HSF5: variants seen among roughly 807,000 people sequenced by gnomAD.
HSF5 encodes heat shock transcription factor 5.
Under a neutral mutation model 50.8 loss-of-function variants are expected in HSF5, and 5 were observed. The observed-to-expected ratio is 0.10, with a 90% CI of 0.05 to 0.21. The LOEUF is 0.21. Among genes scored for constraint, HSF5 ranks in the 10% least tolerant of loss-of-function variants. The pLI is 1.00. For missense variants in HSF5, 564 were observed against 762.6 expected (o/e 0.74, Z 3.07); for synonymous variants, 307 against 307.4 (o/e 1.00, Z 0.02).
chr17:58,452,082 CA>C (rs199976850), intron 5 of HSF5, among the ~76,000 whole-genome samples: 3 of 150,194 alleles, frequency 2.0e-5, no homozygotes, highest in South Asian at 2.1e-4. Flanking sequence ...CCTGTCTCTA[CA>C]AAAAAAAATT....
At chr17:58,429,383 T>G (rs774374989) in intron 5 of HSF5, among the ~76,000 whole-genome samples, 2 of 152,140 alleles carry the variant, frequency 1.3e-5, no homozygotes, top group Non-Finnish European at 2.9e-5. Context: ...CACTTTAAAA[T>G]GTTTAACTTA....
chr17:58,487,545 C>G (rs893091901), intron 1 of HSF5, among the ~76,000 whole-genome samples, 180 bp downstream of exon 1: 2 of 152,222 alleles, frequency 1.3e-5, no homozygotes, highest in African/African-American at 4.8e-5. Flanking sequence ...GTGCTGGTGC[C>G]GCTGAGAACG....
intron 5 of HSF5, 43 bp downstream of exon 5, chr17:58,458,725 G>C (rs1374590730): frequency 6.7e-7 from 1 of 1,500,804 alleles, no homozygotes; most frequent in African/African-American, 1.4e-5. Context: ...TAATTCTACA[G>C]CGTGATTCTA....
chr17:58,482,798 G>T (rs942756781), intron 1 of HSF5, among the ~76,000 whole-genome samples: 5 of 143,574 alleles, frequency 3.5e-5, no homozygotes, highest in African/African-American at 5.2e-5. Flanking sequence ...AAAACAATCA[G>T]CCAGGTATGG....
At chr17:58,468,263 C>T (rs767540437) in intron 2 of HSF5, among the ~76,000 whole-genome samples, 6 of 152,014 alleles carry the variant, frequency 3.9e-5, no homozygotes, top group Non-Finnish European at 1.5e-5. Flanking sequence ...CCAGGCTTGG[C>T]GGCACATGTT....
chr17:58,457,782 G>A (rs2143773310), intron 5 of HSF5, among the ~76,000 whole-genome samples: 2 of 152,280 alleles, frequency 1.3e-5, no homozygotes, highest in Non-Finnish European at 2.9e-5. Flanking sequence ...CAAGGCTCAT[G>A]CCATTGTGTT....
intron 1 of HSF5, among the ~76,000 whole-genome samples, chr17:58,484,321 A>G (rs1975139527): frequency 6.6e-6 from 1 of 152,214 alleles, no homozygotes; most frequent in African/African-American, 2.4e-5. Context: ...ACAAACAGTA[A>G]TCTTTAAATG....
intron 5 of HSF5, among the ~76,000 whole-genome samples, chr17:58,457,768 C>T (rs1014040917): frequency 4.6e-5 from 7 of 152,122 alleles, no homozygotes; most frequent in African/African-American, 1.7e-4. Flanking sequence ...ATCTAAATTG[C>T]CTTCAAGGCT....
intron 2 of HSF5, 31 bp from the exon 3 acceptor site, chr17:58,467,010 C>T (rs371216685): frequency 3.6e-6 from 5 of 1,394,370 alleles, no homozygotes; most frequent in Non-Finnish European, 5.1e-6. Flanking sequence ...GAAAAGCCAT[C>T]AACCACAATA....
At chr17:58,461,916 A>G (rs983001345) in intron 4 of HSF5, among the ~76,000 whole-genome samples, 19 of 152,148 alleles carry the variant, frequency 1.2e-4, no homozygotes, top group Admixed American at 1.2e-3. Flanking sequence ...GTATTATTTT[A>G]AGAGGCACAG....
chr17:58,479,295 G>T (rs1004342718), intron 2 of HSF5, among the ~76,000 whole-genome samples: 1 of 151,846 alleles, frequency 6.6e-6, no homozygotes, highest in East Asian at 1.9e-4. Context: ...AGGTTCTGGG[G>T]TACTAAGGTT....
chr17:58,482,606 A>G (rs1182245514), intron 1 of HSF5, among the ~76,000 whole-genome samples: 4 of 145,872 alleles, frequency 2.7e-5, no homozygotes. Flanking sequence ...GCTACTCAGG[A>G]GGCTGAGGAA....
intron 5 of HSF5, among the ~76,000 whole-genome samples, chr17:58,447,174 A>T (rs1004361904): frequency 6.6e-6 from 1 of 152,158 alleles, no homozygotes; most frequent in Non-Finnish European, 1.5e-5. Context: ...GGAACCTAGT[A>T]CCAGCCCCAC....
Position 58,488,084 on chromosome 17 carries a change from C to T in HSF5, c.191G>A (p.Gly64Glu), listed in dbSNP as rs746134709. The T allele has an allele frequency of 1.3e-6, 2 of 1,576,136 alleles. No homozygotes were observed. The highest frequency in any genetic ancestry group is 1.4e-5 in the African/African-American group (1 of 72,188). Reference sequence around the variant, plus strand: ...GAAGAGCTCGGGCTCGGCCCCGGCCCCCGCAGTCCCGCCACCGCCCCCCGG... The same window carrying T: ...GAAGAGCTCGGGCTCGGCCCCGGCCTCCGCAGTCCCGCCACCGCCCCCCGG... Reference protein sequence around the residue: ...PGPGGGGGTAGAGAEPELFKT... With the variant: ...PGPGGGGGTAEAGAEPELFKT... The change falls in exon 1 of 6, where the codon GGG becomes GAG. Residue 64 changes from glycine (G) to glutamate (E), a missense_variant. Physicochemically the swap from Gly to Glu is moderately conservative, Grantham distance 98 (BLOSUM62 -2). Around this residue, in one of 5 missense-constraint regions of HSF5, gnomAD observed 72 missense variants for 110.9 expected, o/e 0.65. Coordinates refer to ENST00000323777, the MANE Select transcript of HSF5 (RefSeq NM_001080439.3). This position sits in a 1 kb window ranked among gnomAD's most constrained non-coding sequence, Gnocchi z 4.1.
At chr17:58,451,288 CAG>C (rs1162245737) in intron 5 of HSF5, among the ~76,000 whole-genome samples, 4 of 152,118 alleles carry the variant, frequency 2.6e-5, no homozygotes, top group African/African-American at 9.7e-5. Context: ...ATCATCCAGA[CAG>C]AAATCAACAA....
At chr17:58,476,968 CG>C in intron 2 of HSF5, 4 of 626,534 alleles carry the variant, frequency 6.4e-6, no homozygotes, top group Non-Finnish European at 5.6e-6. Flanking sequence ...GGTTGGGAGA[CG>C]GGGGCGGGGG....
At chr17:58,463,556 A>C (rs1419575992) in intron 3 of HSF5, among the ~76,000 whole-genome samples, 1 of 152,224 alleles carries the variant, frequency 6.6e-6, no homozygotes, top group Non-Finnish European at 1.5e-5. Flanking sequence ...TCTTAAGGTT[A>C]AACTGTACAA....
At chr17:58,480,390 G>C in intron 1 of HSF5, 123 bp from the exon 2 acceptor site, 1 of 852,034 alleles carries the variant, frequency 1.2e-6, no homozygotes, top group Admixed American at 4.1e-5. Context: ...CAGAAGTTTA[G>C]GTTTGGTAAA....
intron 2 of HSF5, among the ~76,000 whole-genome samples, 179 bp from the exon 3 acceptor site, chr17:58,467,158 C>G (rs762806073): frequency 1.3e-4 from 20 of 152,242 alleles, no homozygotes; most frequent in South Asian, 1.0e-3. Flanking sequence ...CACACAGTAA[C>G]AAAATAATTT....
Sources: allele counts gnomAD v4.1 joint callset (sites outside exome capture counted in the v4.1 genomes callset), GRCh38; gene constraint gnomAD v4.1.1; regional missense constraint gnomAD v4.1.1; non-coding constraint Gnocchi (gnomAD v3.1); transcripts MANE v1.5; gene names NCBI Gene and HGNC (gene_info 2026-07-23, HGNC 2026-07-21).